Variants in B3GALT1 observed in about 807,000 individuals in gnomAD.
The protein encoded by B3GALT1 is beta-1,3-galactosyltransferase 1.
A neutral mutation model predicts 23.2 loss-of-function variants in B3GALT1; 10 were observed. That is an observed-to-expected ratio of 0.43 (90% CI 0.27 to 0.73). The LOEUF (loss-of-function observed/expected upper bound fraction) is 0.73, where lower values mean the gene tolerates loss of function less well. Among genes scored for constraint, B3GALT1 ranks in the 30% least tolerant of loss-of-function variants. The probability of loss-of-function intolerance (pLI) is 0.21; values close to 1 mark genes in which losing one functional copy is unlikely to be tolerated. For synonymous variants in B3GALT1, 156 were observed against 141.5 expected (o/e 1.10, Z -0.73); for missense variants, 299 against 405.4 (o/e 0.74, Z 2.25).
chr2:167,811,543 G>A (rs1215779293), intron 3 of B3GALT1, among the ~76,000 whole-genome samples: 1 of 152,142 alleles, frequency 6.6e-6, no homozygotes, highest in Non-Finnish European at 1.5e-5. Flanking sequence ...TCTTATACTA[G>A]GCCTATTGCT....
At chr2:167,709,302 A>G (rs1394090112) in intron 3 of B3GALT1, among the ~76,000 whole-genome samples, 1 of 152,246 alleles carries the variant, frequency 6.6e-6, no homozygotes, top group Admixed American at 6.5e-5. Context: ...AAGGAAAATT[A>G]AAAACTAATA....
At chr2:167,640,880 A>T (rs763306483) in intron 2 of B3GALT1, among the ~76,000 whole-genome samples, 1 of 152,130 alleles carries the variant, frequency 6.6e-6, no homozygotes, top group Non-Finnish European at 1.5e-5. Flanking sequence ...TCATCCCATA[A>T]ATGAACATTC....
intron 2 of B3GALT1, among the ~76,000 whole-genome samples, chr2:167,519,077 C>CT (rs58193537): frequency 1.0e-4 from 15 of 149,876 alleles, no homozygotes; most frequent in Admixed American, 5.4e-4. Flanking sequence ...AATACAATTT[C>CT]TTTTTTTTGT....
intron 2 of B3GALT1, among the ~76,000 whole-genome samples, chr2:167,525,063 A>G (rs547077236): frequency 6.6e-6 from 1 of 152,166 alleles, no homozygotes; most frequent in Non-Finnish European, 1.5e-5. Flanking sequence ...AGGATAAATT[A>G]TTAGGAGAAA....
chr2:167,456,755 G>A (rs1699179342), intron 1 of B3GALT1, among the ~76,000 whole-genome samples: 1 of 152,120 alleles, frequency 6.6e-6, no homozygotes, highest in South Asian at 2.1e-4. Context: ...ACATTCATTA[G>A]GGATATGGGT....
intron 1 of B3GALT1, among the ~76,000 whole-genome samples, chr2:167,342,929 C>T (rs567245726): frequency 6.6e-6 from 1 of 152,174 alleles, no homozygotes; most frequent in Admixed American, 6.5e-5. Flanking sequence ...AAAAGCGTAA[C>T]AAATGCAAGT....
In B3GALT1 at chr2:167,715,247, A is replaced by G. The variant is rs1477421731; in HGVS notation, c.-352+68281A>G. ...AAGCACAGCAGCCTGATCTTTCATC[A>G]TTGGCAAGTGTCCAGTCAGGGTCTT... On this transcript the variant is annotated intron_variant, in intron 3 of 4. Transcript: ENST00000392690. The G allele has an allele frequency of 8.1e-6, 13 of 1,613,944 alleles. No homozygotes were observed. In the Admixed American group the frequency reaches 2.0e-4, roughly 25 times the overall value.
intron 2 of B3GALT1, among the ~76,000 whole-genome samples, chr2:167,574,623 A>C (rs1173715421): frequency 6.6e-6 from 1 of 151,544 alleles, no homozygotes; most frequent in East Asian, 1.9e-4. Context: ...TTTTCTCATC[A>C]TTTTCTGTAT....
intron 2 of B3GALT1, among the ~76,000 whole-genome samples, chr2:167,564,602 T>G (rs929791025): frequency 6.6e-6 from 1 of 151,650 alleles, no homozygotes; most frequent in Non-Finnish European, 1.5e-5. Context: ...AGACTCCGTC[T>G]GCAATCCCGG....
At chr2:167,863,775 A>T (rs906959566) in intron 4 of B3GALT1, among the ~76,000 whole-genome samples, 4 of 152,164 alleles carry the variant, frequency 2.6e-5, no homozygotes, top group African/African-American at 7.2e-5. Flanking sequence ...ACCCCTTGCT[A>T]TGAGTTCTTA....
chr2:167,497,237 G>A (rs1247809300), intron 2 of B3GALT1, among the ~76,000 whole-genome samples: 2 of 150,624 alleles, frequency 1.3e-5, no homozygotes, highest in Non-Finnish European at 3.0e-5. Context: ...AGGGAAATGA[G>A]GGGGGATGGG....
Position 167,302,638 on chromosome 2 carries a change from C to A in B3GALT1, c.-511+9304C>A, listed in dbSNP as rs532594204. On this transcript the variant is annotated intron_variant, in intron 1 of 4. Transcript: ENST00000392690. Reference sequence around the variant, plus strand: ...AAAATAAATTTTTTTATTGTCATATCAGGTTAAAAAAACAATAAAAATAAT... The same window carrying A: ...AAAATAAATTTTTTTATTGTCATATAAGGTTAAAAAAACAATAAAAATAAT... Among the ~76,000 whole-genome samples the A allele has an allele frequency of 3.5e-3, 535 of 151,900 alleles. 1 individual carries two copies. The highest frequency in any genetic ancestry group is 6.1e-3 in the Non-Finnish European group (412 of 67,934).
At chr2:167,531,194 C>T (rs984981602) in intron 2 of B3GALT1, among the ~76,000 whole-genome samples, 5 of 152,128 alleles carry the variant, frequency 3.3e-5, no homozygotes, top group African/African-American at 1.2e-4. Context: ...ATTACTTCAT[C>T]TCAGTGACAT....
chr2:167,743,355 T>C (rs151052174), intron 3 of B3GALT1, among the ~76,000 whole-genome samples: 184 of 152,216 alleles, frequency 1.2e-3, no homozygotes, highest in African/African-American at 4.0e-3. Context: ...CCCATCAGCA[T>C]TGAGCCTCAA....
rs537956937 is a variant in B3GALT1 at position 167,584,619 on chromosome 2, G to A, written c.-409-62290G>A. 3.3e-5 allele frequency among the ~76,000 whole-genome samples: 5 copies of A among 152,240 alleles called. No homozygotes were observed. The South Asian group carries it at 8.3e-4, about 25-fold the overall frequency. The stretch of plus-strand genomic sequence containing the variant: ...CTGCCCACCACTTCTGATGCTAATC[G>A]CAAGCCCTAAGTTGTTTTACCTGTG... On this transcript the variant is annotated intron_variant, in intron 2 of 4. Coordinates refer to ENST00000392690, the MANE Select transcript of B3GALT1 (RefSeq NM_020981.4).
At chr2:167,550,482 A>G (rs185201823) in intron 2 of B3GALT1, among the ~76,000 whole-genome samples, 1 of 152,196 alleles carries the variant, frequency 6.6e-6, no homozygotes, top group South Asian at 2.1e-4. Context: ...TATGATAACA[A>G]CTGGGAAGGT....
At chr2:167,620,167 A>G (rs1426526281) in intron 2 of B3GALT1, among the ~76,000 whole-genome samples, 1 of 152,076 alleles carries the variant, frequency 6.6e-6, no homozygotes, top group Non-Finnish European at 1.5e-5. Context: ...GAGAAAGAGG[A>G]AAAGGGCATT....
chr2:167,404,577 G>A (rs1170432610), intron 1 of B3GALT1, among the ~76,000 whole-genome samples: 1 of 152,094 alleles, frequency 6.6e-6, no homozygotes, highest in Admixed American at 6.5e-5. Flanking sequence ...TTTTGAAACT[G>A]TGAAGATGCA....
intron 1 of B3GALT1, among the ~76,000 whole-genome samples, chr2:167,480,233 CT>C (rs1699543713): frequency 6.6e-6 from 1 of 152,134 alleles, no homozygotes; most frequent in Non-Finnish European, 1.5e-5. Context: ...TTCCATTAGT[CT>C]TACAAAGGCA....
Sources: allele counts gnomAD v4.1 joint callset (sites outside exome capture counted in the v4.1 genomes callset), GRCh38; gene constraint gnomAD v4.1.1; transcripts MANE v1.5; gene names NCBI Gene and HGNC (gene_info 2026-07-23, HGNC 2026-07-21).